EMCN: variants seen among roughly 807,000 people sequenced by gnomAD.
The protein encoded by EMCN is endomucin.
Under a neutral mutation model 38.4 loss-of-function variants are expected in EMCN, and 37 were observed. The ratio of observed to expected loss-of-function variants is 0.96; its 90% confidence interval spans 0.74 to 1.27. The LOEUF is 1.27. EMCN is among the 50% of genes most tolerant of loss of function. EMCN has a pLI of 0.00. For synonymous variants in EMCN, 95 were observed against 100.8 expected (o/e 0.94, Z 0.35); for missense variants, 318 against 302.8 (o/e 1.05, Z -0.37).
intron 4 of EMCN, among the ~76,000 whole-genome samples, chr4:100,454,062 T>C (rs1173240555): frequency 3.3e-5 from 5 of 150,854 alleles, no homozygotes; most frequent in Non-Finnish European, 7.4e-5. Context: ...TTGGGAGATA[T>C]ACCTAATGCT....
rs750200582 is a variant in EMCN at position 100,465,549 on chromosome 4, G to A, written c.260-10C>T. 5 of 1,499,214 alleles carry A rather than the reference G, an allele frequency of 3.3e-6. No individual in the cohort carries two copies. The highest frequency in any genetic ancestry group is 4.6e-6 in the Non-Finnish European group (5 of 1,083,718). 92.9% of individuals were successfully genotyped at this position (1,499,214 alleles called of 1,614,324 possible). A position where few individuals can be genotyped will look rare whatever the true frequency, so the allele number is the denominator to read the frequency against. ...GTTGTGGCTTTCAATCCTATAAAAAGAATGAACAGTCATCAGGAGTATAAC... is the reference window on the plus strand; with the variant it reads ...GTTGTGGCTTTCAATCCTATAAAAAAAATGAACAGTCATCAGGAGTATAAC... On this transcript the variant is annotated splice_polypyrimidine_tract_variant and intron_variant, in intron 3 of 11. Transcript: ENST00000296420.
At chr4:100,510,545 A>C (rs1729599572) in intron 1 of EMCN, among the ~76,000 whole-genome samples, 1 of 152,150 alleles carries the variant, frequency 6.6e-6, no homozygotes, top group African/African-American at 2.4e-5. Context: ...AACTCAGCAA[A>C]ACTTTATATA....
At chr4:100,451,937 G>A (rs1188380591) in intron 4 of EMCN, among the ~76,000 whole-genome samples, 1 of 151,980 alleles carries the variant, frequency 6.6e-6, no homozygotes, top group Non-Finnish European at 1.5e-5. Flanking sequence ...TTTTACAGAT[G>A]AAGAAACTGA....
In EMCN at chr4:100,447,712, T is replaced by C. The variant is rs1003029597; in HGVS notation, c.377-141A>G. 1.3e-5 allele frequency: 8 copies of C among 609,758 alleles called. No individual in the cohort carries two copies. In the African/African-American group the frequency reaches 1.5e-4, roughly 11 times the overall value. 37.8% of individuals were successfully genotyped at this position (609,758 alleles called of 1,614,324 possible). Reference sequence around the variant, plus strand: ...CTATTTTCAAATCATAAAATCATGATTCTTCATGATTACAAGAAACTTCAG... The same window carrying C: ...CTATTTTCAAATCATAAAATCATGACTCTTCATGATTACAAGAAACTTCAG... On this transcript the variant is annotated intron_variant, in intron 4 of 11. Transcript: ENST00000296420.
intron 1 of EMCN, among the ~76,000 whole-genome samples, chr4:100,485,959 T>C (rs545145659): frequency 6.6e-6 from 1 of 152,324 alleles, no homozygotes; most frequent in South Asian, 2.1e-4. Context: ...CCTCAATAAA[T>C]ATTTATTCAG....
chr4:100,464,016 C>G (rs1405606984), intron 4 of EMCN, among the ~76,000 whole-genome samples: 1 of 151,880 alleles, frequency 6.6e-6, no homozygotes, highest in African/African-American at 2.4e-5. Context: ...AGAGAATTAT[C>G]ATTTAAAATA....
At chr4:100,410,652 T>C (rs534913873) in intron 10 of EMCN, among the ~76,000 whole-genome samples, 2 of 152,252 alleles carry the variant, frequency 1.3e-5, no homozygotes, top group South Asian at 4.1e-4. Flanking sequence ...AGAGAAACCC[T>C]GGGGAATAAG....
chr4:100,480,377 C>T (rs1056855412), intron 1 of EMCN, among the ~76,000 whole-genome samples: 1 of 151,936 alleles, frequency 6.6e-6, no homozygotes, highest in Non-Finnish European at 1.5e-5. Context: ...AATGGGCACT[C>T]TCTGGGCAGT....
chr4:100,490,232 A>G (rs1432435179), intron 1 of EMCN, among the ~76,000 whole-genome samples: 1 of 152,010 alleles, frequency 6.6e-6, no homozygotes, highest in African/African-American at 2.4e-5. Context: ...AATATTAAAA[A>G]AGAAACTATT....
At chr4:100,448,087 G>A (rs1045012401) in intron 4 of EMCN, among the ~76,000 whole-genome samples, 1 of 151,724 alleles carries the variant, frequency 6.6e-6, no homozygotes, top group Non-Finnish European at 1.5e-5. Flanking sequence ...ACTAAGACTT[G>A]GTGCATCTCA....
At chr4:100,475,872 C>T (rs1331571011) in intron 2 of EMCN, among the ~76,000 whole-genome samples, 4 of 151,722 alleles carry the variant, frequency 2.6e-5, no homozygotes, top group East Asian at 1.9e-4. Flanking sequence ...TTGGTAGAGA[C>T]GGGGTTTCAC....
At chr4:100,481,485 G>A (rs1056760012) in intron 1 of EMCN, among the ~76,000 whole-genome samples, 1 of 152,068 alleles carries the variant, frequency 6.6e-6, no homozygotes, top group Non-Finnish European at 1.5e-5. Flanking sequence ...TGATAGAACT[G>A]CATTTTCACA....
At chr4:100,471,543 T>C (rs1560629353) in intron 3 of EMCN, among the ~76,000 whole-genome samples, 1 of 151,930 alleles carries the variant, frequency 6.6e-6, no homozygotes, top group African/African-American at 2.4e-5. Flanking sequence ...CCTCATAAAC[T>C]CTTTCAAAAA....
At chr4:100,454,918 T>C (rs1727967608) in intron 4 of EMCN, among the ~76,000 whole-genome samples, 1 of 152,178 alleles carries the variant, frequency 6.6e-6, no homozygotes, top group African/African-American at 2.4e-5. Flanking sequence ...CTTTTGTTTT[T>C]AATAAATTTA....
intron 3 of EMCN, among the ~76,000 whole-genome samples, chr4:100,472,061 A>T (rs1212375970): frequency 6.6e-6 from 1 of 152,010 alleles, no homozygotes; most frequent in African/African-American, 2.4e-5. Flanking sequence ...TCAACCTTGT[A>T]TTGAAGGTGC....
intron 5 of EMCN, among the ~76,000 whole-genome samples, chr4:100,425,984 G>C (rs11939510): frequency 6.6e-6 from 1 of 151,884 alleles, no homozygotes; most frequent in African/African-American, 2.4e-5. Context: ...GAAACTTCAG[G>C]TCAGAACTTG....
chr4:100,488,107 C>G (rs1475582720), intron 1 of EMCN, among the ~76,000 whole-genome samples: 62 of 152,180 alleles, frequency 4.1e-4, no homozygotes, highest in Non-Finnish European at 2.9e-5. Context: ...GTGTGAGCCA[C>G]TTTACCTTGC....
chr4:100,450,626 T>C (rs1029657535), intron 4 of EMCN, among the ~76,000 whole-genome samples: 1 of 151,962 alleles, frequency 6.6e-6, no homozygotes, highest in Non-Finnish European at 1.5e-5. Context: ...ACTGAGTCAT[T>C]AGACATGAGA....
chr4:100,397,538 G>A lies in EMCN; in HGVS notation c.*875C>T, dbSNP rs988980122. 1 of 152,128 alleles carries A rather than the reference G, an allele frequency of 6.6e-6. No individual in the cohort carries two copies. The highest frequency in any genetic ancestry group is 2.4e-5 in the African/African-American group (1 of 41,428). 9.4% of individuals were successfully genotyped at this position (152,128 alleles called of 1,614,324 possible). The stretch of plus-strand genomic sequence containing the variant: ...TGCATGGAGATAATATCAATCAAAT[G>A]AGTTAATGAAAAATCATGATCCTAT... On this transcript the variant is annotated 3_prime_UTR_variant, in exon 12 of 12. Transcript: ENST00000296420.
Sources: gnomAD v4.1 joint callset for allele counts (sites outside exome capture counted in the v4.1 genomes callset) on GRCh38, gnomAD v4.1.1 for gene constraint, MANE v1.5 for transcripts, NCBI Gene and HGNC (gene_info 2026-07-23, HGNC 2026-07-21) for gene names.